The following THADA variants were observed in gnomAD, a reference collection of about 807,000 sequenced individuals.
The protein encoded by THADA is tRNA (32-2'-O)-methyltransferase regulator THADA.
In THADA, 213 loss-of-function variants were observed where a neutral mutation model predicts 219.8. The observed-to-expected ratio is 0.97, with a 90% CI of 0.87 to 1.09. The LOEUF (loss-of-function observed/expected upper bound fraction) is 1.09, where lower values mean the gene tolerates loss of function less well. Among genes scored for constraint, THADA ranks in the 50% least tolerant of loss-of-function variants. The probability of loss-of-function intolerance (pLI) is 0.00; values close to 1 mark genes in which losing one functional copy is unlikely to be tolerated. For synonymous variants in THADA, 1,018 were observed against 828.9 expected (o/e 1.23, Z -3.92); for missense variants, 2,956 against 2,311.3 (o/e 1.28, Z -5.72).
chr2:43,516,225 T>C (rs1691707186), intron 22 of THADA, among the ~76,000 whole-genome samples: 1 of 152,164 alleles, frequency 6.6e-6, no homozygotes, highest in African/African-American at 2.4e-5. Flanking sequence ...AACACAGAAG[T>C]AAGAGTAATC....
intron 36 of THADA, among the ~76,000 whole-genome samples, chr2:43,275,525 C>T (rs749154302): frequency 2.0e-5 from 3 of 152,166 alleles, no homozygotes; most frequent in Non-Finnish European, 2.9e-5. Flanking sequence ...CTAAGTGGAA[C>T]GTATGTGGTT....
chr2:43,241,828 T>C (rs1256795374), intron 36 of THADA, among the ~76,000 whole-genome samples: 1 of 152,056 alleles, frequency 6.6e-6, no homozygotes. Flanking sequence ...GACATGTGAG[T>C]TGGTGACCCC....
At chr2:43,483,477 A>G (rs999528422) in intron 26 of THADA, among the ~76,000 whole-genome samples, 1 of 152,212 alleles carries the variant, frequency 6.6e-6, no homozygotes, top group African/African-American at 2.4e-5. Flanking sequence ...CCTTGTACAC[A>G]TAATGGTCCA....
intron 16 of THADA, 52 bp downstream of exon 16, chr2:43,560,182 G>C (rs1697880743): frequency 1.3e-6 from 2 of 1,498,654 alleles, no homozygotes; most frequent in Non-Finnish European, 1.8e-6. Context: ...TTTATCTGCT[G>C]ATAGAAAGTT....
chr2:43,574,170 CTATA>C (rs528246971), intron 11 of THADA, among the ~76,000 whole-genome samples, 162 bp downstream of exon 11: 11 of 152,134 alleles, frequency 7.2e-5, no homozygotes, highest in Non-Finnish European at 1.3e-4. Flanking sequence ...CTCCATTCAG[CTATA>C]TATAGGAACA....
intron 25 of THADA, among the ~76,000 whole-genome samples, chr2:43,496,499 C>G (rs543037272): frequency 6.6e-6 from 1 of 152,190 alleles, no homozygotes; most frequent in South Asian, 2.1e-4. Flanking sequence ...ATTTGTAGCA[C>G]TAACTTAACA....
chr2:43,518,137 T>G (rs1017596017), intron 22 of THADA, among the ~76,000 whole-genome samples: 2 of 152,352 alleles, frequency 1.3e-5, no homozygotes, highest in Non-Finnish European at 2.9e-5. Flanking sequence ...CTTCCTGTTA[T>G]TTCTCTATTC....
intron 29 of THADA, among the ~76,000 whole-genome samples, chr2:43,389,253 C>A (rs748020697): frequency 1.3e-5 from 2 of 152,196 alleles, no homozygotes; most frequent in Non-Finnish European, 2.9e-5. Flanking sequence ...TGAGCACATG[C>A]TCCCAGCTTT....
chr2:43,304,720 G>A (rs534978221), intron 31 of THADA, among the ~76,000 whole-genome samples: 5 of 147,720 alleles, frequency 3.4e-5, no homozygotes, highest in African/African-American at 1.3e-4. Flanking sequence ...TGCCCAGGCT[G>A]GAGTGCAGTG....
chr2:43,414,851 G>A (rs1007927278), intron 28 of THADA, among the ~76,000 whole-genome samples: 1 of 152,128 alleles, frequency 6.6e-6, no homozygotes, highest in African/African-American at 2.4e-5. Flanking sequence ...ACAAAGACAA[G>A]CTTTCATCTT....
rs1261758464 is a variant in THADA at position 43,515,342 on chromosome 2, TATA to T, written c.3375-6565_3375-6563del. On this transcript the variant is annotated intron_variant, in intron 22 of 37. Transcript: ENST00000405975. ...TTTATATATAATATATAATATAATA[TATA>T]ATATTTTATATATAATATATAATAT... Among the ~76,000 whole-genome samples, 10 of 67,458 alleles carry T rather than the reference TATA, an allele frequency of 1.5e-4. 2 individuals are homozygous for T. The highest frequency in any genetic ancestry group is 4.2e-4 in the South Asian group (1 of 2,360). The allele number at this position is 67,458 out of a possible 152,430, so 44.3% of individuals were successfully genotyped here. A position where few individuals can be genotyped will look rare whatever the true frequency, so the allele number is the denominator to read the frequency against.
At chr2:43,326,597 G>C (rs771662728) in intron 30 of THADA, among the ~76,000 whole-genome samples, 9 of 152,172 alleles carry the variant, frequency 5.9e-5, no homozygotes, top group Non-Finnish European at 1.2e-4. Flanking sequence ...TCCATGGACA[G>C]CTGTTACAAT....
At chr2:43,305,489 A>T (rs1343581110) in intron 31 of THADA, among the ~76,000 whole-genome samples, 2 of 152,166 alleles carry the variant, frequency 1.3e-5, no homozygotes, top group Non-Finnish European at 2.9e-5. Context: ...GGCCCCCATC[A>T]CACACACCCC....
chr2:43,584,917 C>G (rs1028883685), intron 7 of THADA, among the ~76,000 whole-genome samples: 3 of 152,244 alleles, frequency 2.0e-5, no homozygotes, highest in African/African-American at 7.2e-5. Context: ...GATAAGGCAG[C>G]AACATATTAC....
chr2:43,442,097 T>C (rs1402757465), intron 26 of THADA, among the ~76,000 whole-genome samples: 1 of 152,138 alleles, frequency 6.6e-6, no homozygotes. Flanking sequence ...TTGGAAAATA[T>C]ATCATTTGGG....
At chr2:43,358,471 G>C (rs1247359885) in intron 29 of THADA, among the ~76,000 whole-genome samples, 1 of 152,190 alleles carries the variant, frequency 6.6e-6, no homozygotes, top group Non-Finnish European at 1.5e-5. Flanking sequence ...AGAGAAGGCT[G>C]TTCATGGGGG....
At chr2:43,559,734 T>A (rs1697834533) in intron 16 of THADA, among the ~76,000 whole-genome samples, 1 of 152,242 alleles carries the variant, frequency 6.6e-6, no homozygotes, top group Non-Finnish European at 1.5e-5. Context: ...CTAGGAACTG[T>A]TGTTAACCTC....
At chr2:43,518,932 G>GT (rs1692068633) in intron 22 of THADA, among the ~76,000 whole-genome samples, 1 of 152,042 alleles carries the variant, frequency 6.6e-6, no homozygotes, top group African/African-American at 2.4e-5. Flanking sequence ...CTCCTGACCT[G>GT]TATTTCCAAC....
chr2:43,304,437 T>C (rs964981504), intron 31 of THADA, among the ~76,000 whole-genome samples: 3 of 152,140 alleles, frequency 2.0e-5, no homozygotes, highest in Admixed American at 6.5e-5. Flanking sequence ...TAAGTGCAAA[T>C]GGCAGTGATA....
Sources: gnomAD v4.1 joint callset for allele counts (sites outside exome capture counted in the v4.1 genomes callset) on GRCh38, gnomAD v4.1.1 for gene constraint, MANE v1.5 for transcripts, NCBI Gene and HGNC (gene_info 2026-07-23, HGNC 2026-07-21) for gene names.